The following FOXP1 variants were observed in gnomAD, a reference collection of about 807,000 sequenced individuals.
FOXP1 encodes the protein forkhead box protein P1.
FOXP1 carries 15 observed loss-of-function variants against 98.2 expected under a neutral mutation model. That is an observed-to-expected ratio of 0.15 (90% CI 0.10 to 0.24). FOXP1 has a LOEUF of 0.24. FOXP1 is among the 10% of genes least tolerant of loss of function. The pLI is 1.00. For synonymous variants in FOXP1, 371 were observed against 314.5 expected (o/e 1.18, Z -1.90); for missense variants, 633 against 848.5 (o/e 0.75, Z 3.15).
chr3:70,965,235 TCA>T (rs550334449), intron 20 of FOXP1, among the ~76,000 whole-genome samples: 159 of 152,342 alleles, frequency 1.0e-3, no homozygotes, highest in African/African-American at 3.2e-3. Context: ...CACAGGGGCA[TCA>T]CAGTCTCCTG....
intron 2 of FOXP1, among the ~76,000 whole-genome samples, chr3:71,535,084 T>C (rs958844503): frequency 6.6e-6 from 1 of 152,120 alleles, no homozygotes; most frequent in Non-Finnish European, 1.5e-5. Flanking sequence ...CATTTAGTAA[T>C]AGTGCAAATG....
chr3:70,993,931 T>C (rs1319913555), intron 13 of FOXP1, among the ~76,000 whole-genome samples: 1 of 150,954 alleles, frequency 6.6e-6, no homozygotes, highest in Admixed American at 6.6e-5. Flanking sequence ...GAGGTGGAAG[T>C]TGCAGTGAGC....
At chr3:71,213,814 T>A (rs1003291395) in intron 5 of FOXP1, among the ~76,000 whole-genome samples, 1 of 151,968 alleles carries the variant, frequency 6.6e-6, no homozygotes, top group African/African-American at 2.4e-5. Flanking sequence ...AGACTCCATT[T>A]CAAAAAAAAT....
At chr3:71,034,555 A>T (rs1011489579) in intron 11 of FOXP1, among the ~76,000 whole-genome samples, 6 of 152,106 alleles carry the variant, frequency 3.9e-5, no homozygotes, top group African/African-American at 7.2e-5. Flanking sequence ...AATAAAAAAT[A>T]AAAAAAATTA....
chr3:71,087,137 G>A (rs560709216), intron 7 of FOXP1, among the ~76,000 whole-genome samples: 1 of 152,306 alleles, frequency 6.6e-6, no homozygotes, highest in East Asian at 1.9e-4. Context: ...TAGTACCTTG[G>A]ATTTCCTCGG....
chr3:71,342,161 T>C (rs1281434847), intron 4 of FOXP1, among the ~76,000 whole-genome samples: 1 of 152,252 alleles, frequency 6.6e-6, no homozygotes, highest in Admixed American at 6.5e-5. Flanking sequence ...TGAGGTTCCA[T>C]GTACACATCA....
intron 6 of FOXP1, among the ~76,000 whole-genome samples, chr3:71,196,703 C>T (rs950848371): frequency 3.9e-5 from 6 of 152,148 alleles, no homozygotes; most frequent in East Asian, 1.9e-4. Context: ...CACAAATACA[C>T]GGAGACCCTT....
chr3:70,986,971 A>C (rs1313779404), intron 14 of FOXP1, among the ~76,000 whole-genome samples: 1 of 152,158 alleles, frequency 6.6e-6, no homozygotes, highest in Admixed American at 6.5e-5. Flanking sequence ...TGTTTGCTTT[A>C]TTTATAGAAA....
At chr3:70,987,054 G>A (rs1328424612) in intron 14 of FOXP1, among the ~76,000 whole-genome samples, 1 of 152,208 alleles carries the variant, frequency 6.6e-6, no homozygotes, top group African/African-American at 2.4e-5. Context: ...AAAATCGCTG[G>A]TACTAACTAT....
intron 3 of FOXP1, among the ~76,000 whole-genome samples, chr3:71,433,422 T>A (rs560557040): frequency 6.6e-6 from 1 of 152,102 alleles, no homozygotes; most frequent in Non-Finnish European, 1.5e-5. Flanking sequence ...GCACGTGCAA[T>A]TGATCAGGGA....
intron 12 of FOXP1, among the ~76,000 whole-genome samples, chr3:71,005,915 G>A (rs2042749047): frequency 6.6e-6 from 1 of 152,070 alleles, no homozygotes; most frequent in Non-Finnish European, 1.5e-5. Context: ...TCCTGGGCTG[G>A]CTGCGGAAAA....
chr3:71,079,975 G>A (rs960143362), intron 7 of FOXP1, among the ~76,000 whole-genome samples: 1 of 152,180 alleles, frequency 6.6e-6, no homozygotes, highest in Non-Finnish European at 1.5e-5. Flanking sequence ...ATAATGCCTA[G>A]AAAGTATAAA....
At chr3:71,239,139 T>C (rs1365455521) in intron 5 of FOXP1, among the ~76,000 whole-genome samples, 6 of 152,188 alleles carry the variant, frequency 3.9e-5, no homozygotes, top group Non-Finnish European at 8.8e-5. Context: ...GCATTTGAGC[T>C]TGGTCTGTAC....
chr3:71,403,344 A>C (rs980303790), intron 3 of FOXP1, among the ~76,000 whole-genome samples: 1 of 152,232 alleles, frequency 6.6e-6, no homozygotes, highest in African/African-American at 2.4e-5. Context: ...GGTGTTTTCA[A>C]AAAATGATGT....
At chr3:71,394,932 C>T (rs1431139181) in intron 3 of FOXP1, among the ~76,000 whole-genome samples, 1 of 151,964 alleles carries the variant, frequency 6.6e-6, no homozygotes, top group African/African-American at 2.4e-5. Context: ...GAAACCTCGT[C>T]TCTACTAAAA....
chr3:71,106,620 G>A (rs1225291604), intron 7 of FOXP1, among the ~76,000 whole-genome samples: 2 of 149,420 alleles, frequency 1.3e-5, no homozygotes, highest in East Asian at 1.9e-4. Context: ...CATTGCACCC[G>A]GCCACTTTTT....
intron 6 of FOXP1, among the ~76,000 whole-genome samples, chr3:71,180,581 A>AT (rs1365556459): frequency 6.6e-6 from 1 of 152,086 alleles, no homozygotes; most frequent in Non-Finnish European, 1.5e-5. Flanking sequence ...AACATGGTAG[A>AT]TTTTTTTCTC....
chr3:71,260,108 G>T (rs2568838), intron 5 of FOXP1, among the ~76,000 whole-genome samples: 1 of 151,864 alleles, frequency 6.6e-6, no homozygotes, highest in Non-Finnish European at 1.5e-5. Context: ...CTCAGCCTCC[G>T]GAGTAGCTGG....
intron 20 of FOXP1, 101 bp from the exon 21 acceptor site, chr3:70,959,492 C>T: frequency 7.8e-7 from 1 of 1,282,134 alleles, no homozygotes; most frequent in Non-Finnish European, 1.1e-6. Flanking sequence ...CACTCTAGAA[C>T]TAGAACTCTG....
Sources: allele counts gnomAD v4.1 joint callset (sites outside exome capture counted in the v4.1 genomes callset), GRCh38; gene constraint gnomAD v4.1.1; transcripts MANE v1.5; gene names NCBI Gene and HGNC (gene_info 2026-07-23, HGNC 2026-07-21).